FUBP1: variants seen among roughly 807,000 people sequenced by gnomAD.
The protein encoded by FUBP1 is far upstream element binding protein 1.
In FUBP1, 16 loss-of-function variants were observed where a neutral mutation model predicts 94.9. That is an observed-to-expected ratio of 0.17 (90% CI 0.11 to 0.26). The LOEUF (loss-of-function observed/expected upper bound fraction) is 0.26. FUBP1 is among the 10% of genes least tolerant of loss of function. The probability of loss-of-function intolerance (pLI) is 1.00; values close to 1 mark genes in which losing one functional copy is unlikely to be tolerated. For missense variants in FUBP1, 583 were observed against 808.6 expected (o/e 0.72, Z 3.38); for synonymous variants, 279 against 254.9 (o/e 1.09, Z -0.90).
intron 13 of FUBP1, 91 bp downstream of exon 13, chr1:77,963,482 GA>G (rs2102382864): frequency 1.5e-6 from 1 of 668,768 alleles, no homozygotes; most frequent in South Asian, 2.2e-5. Context: ...TACGGTCAGA[GA>G]AAAAGCATTG....
At chr1:77,964,029 AC>A in intron 12 of FUBP1, 32 bp downstream of exon 12, 1 of 1,283,688 alleles carries the variant, frequency 7.8e-7, no homozygotes, top group Non-Finnish European at 1.1e-6. Flanking sequence ...TTCCATAAAA[AC>A]AAAAAATGAA....
intron 1 of FUBP1, among the ~76,000 whole-genome samples, chr1:77,975,316 C>T (rs1461656931): frequency 6.6e-6 from 1 of 152,092 alleles, no homozygotes; most frequent in Admixed American, 6.6e-5. Flanking sequence ...TATTACCATA[C>T]CATAACTTGC....
chr1:77,947,885 T>A lies in FUBP1; in HGVS notation c.*881A>T. The A allele has an allele frequency of 9.3e-7, 1 of 1,078,432 alleles. No individual in the cohort carries two copies. The highest frequency in any genetic ancestry group is 1.1e-6 in the Non-Finnish European group (1 of 874,960). The allele number at this position is 1,078,432 out of a possible 1,614,324, so 66.8% of individuals were successfully genotyped here. A position where few individuals can be genotyped will look rare whatever the true frequency, so the allele number is the denominator to read the frequency against. On this transcript the variant is annotated 3_prime_UTR_variant, in exon 20 of 20. Coordinates refer to ENST00000370768, the MANE Select transcript of FUBP1 (RefSeq NM_003902.5). ...CACTATTCACTTTTCTATCCTAAAT[T>A]TAGAAAGAAACACACTAACATTATA...
chr1:77,974,818 T>G (rs1332333123), intron 1 of FUBP1, among the ~76,000 whole-genome samples: 3 of 152,178 alleles, frequency 2.0e-5, no homozygotes, highest in Non-Finnish European at 4.4e-5. Flanking sequence ...ACTATTGTAG[T>G]TTACTTAATT....
intron 19 of FUBP1, 60 bp from the exon 20 acceptor site, chr1:77,948,834 G>A (rs2102229921): frequency 1.9e-6 from 3 of 1,602,700 alleles, no homozygotes; most frequent in Non-Finnish European, 2.6e-6. Flanking sequence ...TTGAAATGGA[G>A]CTAATTCAGG....
intron 1 of FUBP1, among the ~76,000 whole-genome samples, chr1:77,971,702 TAAA>T (rs57728377): frequency 7.3e-6 from 1 of 136,576 alleles, no homozygotes. Flanking sequence ...GATTGCTTGA[TAAA>T]AAAAAAAAAA....
intron 3 of FUBP1, among the ~76,000 whole-genome samples, chr1:77,967,912 A>C (rs1030213631): frequency 1.6e-4 from 24 of 152,164 alleles, no homozygotes; most frequent in Non-Finnish European, 2.8e-4. Flanking sequence ...AAGTTGTACA[A>C]GTATAGATCA....
intron 1 of FUBP1, among the ~76,000 whole-genome samples, chr1:77,975,996 T>C (rs1051573706): frequency 6.6e-6 from 1 of 152,210 alleles, no homozygotes; most frequent in East Asian, 1.9e-4. Context: ...CTTTTCTGAA[T>C]AACAACTATC....
chr1:77,949,119 G>C (rs1249458986), intron 19 of FUBP1, 36 bp downstream of exon 19: 1 of 1,575,158 alleles, frequency 6.3e-7, no homozygotes, highest in African/African-American at 1.4e-5. Context: ...AAAACAGACT[G>C]GAGTAGAAAT....
chr1:77,962,107 T>C (rs1655596347), intron 14 of FUBP1, among the ~76,000 whole-genome samples: 1 of 152,196 alleles, frequency 6.6e-6, no homozygotes, highest in African/African-American at 2.4e-5. Context: ...ACTGTCTGCC[T>C]CACTTACAAA....
intron 7 of FUBP1, among the ~76,000 whole-genome samples, chr1:77,965,799 A>C (rs982080531): frequency 2.0e-5 from 3 of 152,238 alleles, no homozygotes; most frequent in Admixed American, 2.0e-4. Flanking sequence ...CTGTAATCCC[A>C]GGACTTTGGG....
At chr1:77,962,642 C>T in intron 14 of FUBP1, 128 bp downstream of exon 14, 2 of 545,974 alleles carry the variant, frequency 3.7e-6, no homozygotes, top group South Asian at 6.0e-5. Flanking sequence ...ATCTATTATA[C>T]ATATCATGAA....
chr1:77,975,626 C>T (rs537634879), intron 1 of FUBP1, among the ~76,000 whole-genome samples: 7 of 152,100 alleles, frequency 4.6e-5, no homozygotes, highest in South Asian at 2.1e-4. Flanking sequence ...TTCATATAAC[C>T]TCGAGGAAAA....
intron 1 of FUBP1, among the ~76,000 whole-genome samples, chr1:77,975,416 TAAA>T (rs144726257): frequency 7.0e-6 from 1 of 143,418 alleles, no homozygotes; most frequent in Non-Finnish European, 1.5e-5. Context: ...CTGATGGAAA[TAAA>T]AAAAAAAACA....
chr1:77,955,008 A>C (rs1558029940), intron 18 of FUBP1, among the ~76,000 whole-genome samples: 1 of 152,216 alleles, frequency 6.6e-6, no homozygotes, highest in Non-Finnish European at 1.5e-5. Context: ...CATTGTCAAA[A>C]GTATAGTAAT....
chr1:77,975,322 C>T (rs1049719514), intron 1 of FUBP1, among the ~76,000 whole-genome samples: 10 of 152,076 alleles, frequency 6.6e-5, no homozygotes, highest in African/African-American at 2.4e-4. Context: ...CATACCATAA[C>T]TTGCTTATCA....
At chr1:77,971,327 T>G (rs1657497795) in intron 1 of FUBP1, among the ~76,000 whole-genome samples, 1 of 152,210 alleles carries the variant, frequency 6.6e-6, no homozygotes, top group Admixed American at 6.5e-5. Flanking sequence ...GAAAAAATAT[T>G]AAAGAAAACC....
intron 1 of FUBP1, among the ~76,000 whole-genome samples, chr1:77,971,545 T>C (rs1557469918): frequency 6.6e-6 from 1 of 152,096 alleles, no homozygotes; most frequent in African/African-American, 2.4e-5. Flanking sequence ...GTTAAGTGCT[T>C]AAGTCATAAA....
At chr1:77,965,022 G>A in intron 8 of FUBP1, 47 bp downstream of exon 8, 1 of 1,589,100 alleles carries the variant, frequency 6.3e-7, no homozygotes, top group South Asian at 1.1e-5. Flanking sequence ...GACAAAAATG[G>A]GCATCAAAAC....
Sources: gnomAD v4.1 joint callset for allele counts (sites outside exome capture counted in the v4.1 genomes callset) on GRCh38, gnomAD v4.1.1 for gene constraint, MANE v1.5 for transcripts, NCBI Gene and HGNC (gene_info 2026-07-23, HGNC 2026-07-21) for gene names.